LRRFIP1: variants seen among roughly 807,000 people sequenced by gnomAD.
The protein encoded by LRRFIP1 is leucine-rich repeat flightless-interacting protein 1.
In LRRFIP1, 62 loss-of-function variants were observed where a neutral mutation model predicts 104.4. That is an observed-to-expected ratio of 0.59 (90% confidence interval 0.48 to 0.73). The LOEUF (loss-of-function observed/expected upper bound fraction) is 0.73, where lower values mean the gene tolerates loss of function less well. Ranked by LOEUF, LRRFIP1 falls within the 30% of genes least tolerant of loss-of-function variation. LRRFIP1 has a pLI of 0.00. For missense variants in LRRFIP1, 796 were observed against 824.5 expected (o/e 0.97, Z 0.42); for synonymous variants, 300 against 299.0 (o/e 1.00, Z -0.03).
At chr2:237,724,715 T>C (rs1575854537) in intron 7 of LRRFIP1, among the ~76,000 whole-genome samples, 1 of 148,238 alleles carries the variant, frequency 6.7e-6, no homozygotes, top group Non-Finnish European at 1.5e-5. Context: ...TTATTACTCT[T>C]TTTATGTTAA....
At position 237,740,634 on chromosome 2, in the gene LRRFIP1, G is replaced by A. The variant is rs1208765876; in HGVS notation, c.633+1325G>A. On this transcript the variant is annotated intron_variant, in intron 11 of 23. Coordinates refer to ENST00000308482, the MANE Select transcript of LRRFIP1 (RefSeq NM_001137550.2). The stretch of plus-strand genomic sequence containing the variant: ...CTATTGTGGTGCTGGTGGTTTGTTT[G>A]TGTTTTAAATTAGATGCAGTCTTTT... Among the ~76,000 whole-genome samples the A allele has an allele frequency of 3.9e-5, 6 of 152,198 alleles. No individual in the cohort carries two copies. The East Asian group carries it at 1.2e-3, about 29-fold the overall frequency.
intron 17 of LRRFIP1, among the ~76,000 whole-genome samples, chr2:237,758,152 C>G (rs1399655309): frequency 2.0e-5 from 3 of 148,368 alleles, no homozygotes; most frequent in African/African-American, 7.5e-5. Flanking sequence ...CGTCGAGATA[C>G]CTGCACAAAC....
chr2:237,764,298 T>C (rs1327131294), intron 19 of LRRFIP1: 11 of 1,535,324 alleles, frequency 7.2e-6, no homozygotes, highest in South Asian at 2.5e-5. Flanking sequence ...CTGTTACTTG[T>C]AGATTTCCAT....
At chr2:237,739,976 T>G (rs1576082643) in intron 11 of LRRFIP1, among the ~76,000 whole-genome samples, 1 of 151,370 alleles carries the variant, frequency 6.6e-6, no homozygotes, top group Admixed American at 6.6e-5. Flanking sequence ...GGAGGGGAGG[T>G]GGGCACATGG....
At chr2:237,657,874 G>T (rs758717615) in intron 1 of LRRFIP1, among the ~76,000 whole-genome samples, 3 of 152,144 alleles carry the variant, frequency 2.0e-5, no homozygotes, top group Non-Finnish European at 2.9e-5. Flanking sequence ...TCAAGCCACA[G>T]CCCATATGAA....
intron 19 of LRRFIP1, chr2:237,769,586 C>T (rs1318958058): frequency 8.7e-6 from 2 of 228,958 alleles, no homozygotes; most frequent in Admixed American, 1.0e-4. Context: ...AATTGTGATT[C>T]TCGGTGTTTG....
At chr2:237,734,356 G>A (rs976975288) in intron 9 of LRRFIP1, among the ~76,000 whole-genome samples, 1 of 137,640 alleles carries the variant, frequency 7.3e-6, no homozygotes, top group African/African-American at 2.9e-5. Context: ...TCTCGGCTCA[G>A]TGCAACCTAC....
chr2:237,671,026 A>G (rs940987224), intron 1 of LRRFIP1, among the ~76,000 whole-genome samples: 1 of 152,184 alleles, frequency 6.6e-6, no homozygotes, highest in East Asian at 1.9e-4. Flanking sequence ...TGAAAGTTCC[A>G]TTCCATCCCT....
At position 237,688,495 on chromosome 2, in the gene LRRFIP1, G is replaced by A. The variant is rs567468145; in HGVS notation, c.97-20049G>A. On this transcript the variant is annotated intron_variant, in intron 1 of 23. Transcript: ENST00000308482. ...TTTTGAGACAGAGTCTCACTCTGTTGTCCAGGCTAGTAGAATGCAGTGGCA... is the reference window on the plus strand; with the variant it reads ...TTTTGAGACAGAGTCTCACTCTGTTATCCAGGCTAGTAGAATGCAGTGGCA... Among the ~76,000 whole-genome samples, 4 of 116,608 alleles carry A rather than the reference G, an allele frequency of 3.4e-5. No individual in the cohort carries two copies. In the South Asian group the frequency reaches 1.2e-3, roughly 34 times the overall value. The allele number at this position is 116,608 out of a possible 152,430, so 76.5% of individuals were successfully genotyped here. A position where few individuals can be genotyped will look rare whatever the true frequency, so the allele number is the denominator to read the frequency against.
At position 237,717,848 on chromosome 2, in the gene LRRFIP1, C is replaced by T; in HGVS notation, c.249+39C>T. 6.8e-7 allele frequency: 1 copy of T among 1,463,852 alleles called. No individual in the cohort carries two copies. Among genetic ancestry groups the T allele is most frequent in the Non-Finnish European group, 9.6e-7 (1 of 1,043,144 alleles). The allele number at this position is 1,463,852 out of a possible 1,614,324, so 90.7% of individuals were successfully genotyped here. On this transcript the variant is annotated intron_variant, in intron 4 of 23. Transcript: ENST00000308482. This position sits in a 1 kb window ranked among gnomAD's most constrained non-coding sequence, Gnocchi z 4.2. ...ATAATTTTGTTTTTACTCTTCCCTC[C>T]CCACTTGAATACAGTGTTGAGACTT...
intron 1 of LRRFIP1, among the ~76,000 whole-genome samples, chr2:237,681,431 A>G (rs1042032743): frequency 2.5e-4 from 38 of 151,520 alleles, no homozygotes; most frequent in African/African-American, 9.2e-4. Flanking sequence ...CAGTGGTGTG[A>G]TCTTGGCTCA....
chr2:237,680,625 C>CAACT (rs2149633059), intron 1 of LRRFIP1, among the ~76,000 whole-genome samples: 1 of 152,314 alleles, frequency 6.6e-6, no homozygotes, highest in Admixed American at 6.5e-5. Context: ...TACCGAGGGA[C>CAACT]AACTGCATAA....
intron 1 of LRRFIP1, among the ~76,000 whole-genome samples, chr2:237,707,420 AG>A (rs2093865994): frequency 6.7e-6 from 1 of 150,230 alleles, no homozygotes; most frequent in South Asian, 2.1e-4. Flanking sequence ...ACTGCACTTC[AG>A]CCTGGGCAAC....
intron 2 of LRRFIP1, among the ~76,000 whole-genome samples, chr2:237,709,614 G>C (rs2093976173): frequency 6.6e-6 from 1 of 152,140 alleles, no homozygotes; most frequent in Non-Finnish European, 1.5e-5. Flanking sequence ...TCCCAGCAAA[G>C]ACCAAGCTGG....
chr2:237,735,935 C>T lies in LRRFIP1; in HGVS notation c.555+602C>T, dbSNP rs193185751. ...TGCGTGTCCCAGGGACCTGTGGAAA[C>T]GGAGCGTTCAGTGCTAACCGGTGCT... On this transcript the variant is annotated intron_variant, in intron 10 of 23. Coordinates refer to ENST00000308482, the MANE Select transcript of LRRFIP1 (RefSeq NM_001137550.2). The surrounding 1 kb of genome is among the most constrained non-coding windows in gnomAD (Gnocchi z 4.6). Among the ~76,000 whole-genome samples the T allele has an allele frequency of 1.3e-5, 2 of 152,308 alleles. No homozygotes were observed. The highest frequency in any genetic ancestry group is 2.9e-5 in the Non-Finnish European group (2 of 68,028).
intron 1 of LRRFIP1, among the ~76,000 whole-genome samples, chr2:237,674,306 G>C (rs960420575): frequency 6.6e-6 from 1 of 152,220 alleles, no homozygotes; most frequent in African/African-American, 2.4e-5. Flanking sequence ...ATCCTAGCCT[G>C]CGCCCGCAGA....
chr2:237,655,357 A>C (rs950465065), intron 1 of LRRFIP1, among the ~76,000 whole-genome samples: 40 of 150,886 alleles, frequency 2.7e-4, no homozygotes, highest in Admixed American at 7.3e-4. Context: ...TGATCTGCCC[A>C]CCTCAGCCTC....
At position 237,629,471 on chromosome 2, in the gene LRRFIP1, T is replaced by C. The variant is rs1209366040; in HGVS notation, c.96+1731T>C. Among the ~76,000 whole-genome samples the C allele has an allele frequency of 2.4e-3, 229 of 97,172 alleles. 1 individual carries two copies. The highest frequency in any genetic ancestry group is 8.5e-3 in the African/African-American group (210 of 24,708). The allele number at this position is 97,172 out of a possible 152,430, so 63.7% of individuals were successfully genotyped here. ...ATCCACTGGTGTTTCTTTCTTCTTT[T>C]TTTTTTTTTTTTTTTTTTTTAACAC... On this transcript the variant is annotated intron_variant, in intron 1 of 23. Coordinates refer to ENST00000308482, the MANE Select transcript of LRRFIP1 (RefSeq NM_001137550.2).
intron 1 of LRRFIP1, among the ~76,000 whole-genome samples, chr2:237,704,952 G>A (rs2093730015): frequency 6.6e-6 from 1 of 152,194 alleles, no homozygotes; most frequent in Admixed American, 6.5e-5. Context: ...ATCCCCAAGT[G>A]AGGGACAGGG....
Sources: gnomAD v4.1 joint callset for allele counts (sites outside exome capture counted in the v4.1 genomes callset) on GRCh38, gnomAD v4.1.1 for gene constraint, Gnocchi (gnomAD v3.1) non-coding constraint, MANE v1.5 for transcripts, NCBI Gene and HGNC (gene_info 2026-07-23, HGNC 2026-07-21) for gene names.